Variants in FGD4 observed in about 807,000 individuals in gnomAD.
FGD4 encodes FYVE, RhoGEF and PH domain containing 4, also known as FYVE, RhoGEF and PH domain-containing protein 4.
FGD4 carries 42 observed loss-of-function variants against 102.0 expected under a neutral mutation model. The ratio of observed to expected loss-of-function variants is 0.41; its 90% CI spans 0.32 to 0.53. The LOEUF (loss-of-function observed/expected upper bound fraction) is 0.53. FGD4 is among the 20% of genes least tolerant of loss of function. The probability of loss-of-function intolerance (pLI) is 0.21; values close to 1 mark genes in which losing one functional copy is unlikely to be tolerated. For synonymous variants in FGD4, 380 were observed against 375.7 expected, an observed-to-expected ratio of 1.01 and a Z score of -0.13; for missense variants, 902 against 1,078.2, an observed-to-expected ratio of 0.84 and a Z score of 2.29.
intron 1 of FGD4, among the ~76,000 whole-genome samples, chr12:32,451,673 G>A (rs34387063): frequency 2.6e-5 from 4 of 151,534 alleles, no homozygotes; most frequent in Non-Finnish European, 5.9e-5. Flanking sequence ...TTGGAAGGCC[G>A]AGGCGGGTGG....
intron 1 of FGD4, among the ~76,000 whole-genome samples, chr12:32,405,292 C>T (rs1431094247): frequency 8.4e-6 from 1 of 119,308 alleles, no homozygotes; most frequent in Non-Finnish European, 1.6e-5. Flanking sequence ...GAAGGAGTTT[C>T]ACTCTTGTCC....
chr12:32,540,985 A>C lies in FGD4; in HGVS notation c.167-23152A>C, dbSNP rs555163542. ...TTCGTTATATCATTGAATGAATAAA[A>C]TAGTCAGACTTTTTATTTGTAGGAG... On this transcript the variant is annotated intron_variant, in intron 1 of 16. Coordinates refer to ENST00000534526, the MANE Select transcript of FGD4 (RefSeq NM_001370298.3). Among the ~76,000 whole-genome samples the C allele has an allele frequency of 2.6e-5, 4 of 152,306 alleles. No homozygotes were observed. The South Asian group carries it at 8.3e-4, about 32-fold the overall frequency.
At chr12:32,629,120 A>G (rs1950347096) in intron 14 of FGD4, among the ~76,000 whole-genome samples, 1 of 152,198 alleles carries the variant, frequency 6.6e-6, no homozygotes, top group African/African-American at 2.4e-5. Flanking sequence ...TGAGGCTGGA[A>G]TGGTGTAGGT....
chr12:32,573,648 A>T (rs931816560), intron 2 of FGD4, among the ~76,000 whole-genome samples: 3 of 152,140 alleles, frequency 2.0e-5, no homozygotes, highest in African/African-American at 7.2e-5. Flanking sequence ...CAGATTTGTC[A>T]TATCCATGTA....
intron 5 of FGD4, among the ~76,000 whole-genome samples, chr12:32,599,569 A>G (rs187847277): frequency 0.014 from 597 of 41,700 alleles, 7 homozygotes; most frequent in Middle Eastern, 0.067. Flanking sequence ...TTTTTTGGAG[A>G]TGGAGTCTGG....
chr12:32,451,930 C>T (rs1054930098), intron 1 of FGD4, among the ~76,000 whole-genome samples: 8 of 151,586 alleles, frequency 5.3e-5, no homozygotes, highest in Non-Finnish European at 8.8e-5. Flanking sequence ...CCTACCTGCC[C>T]GAGCTATGTT....
At chr12:32,466,590 G>A (rs757270629) in intron 1 of FGD4, among the ~76,000 whole-genome samples, 1 of 151,912 alleles carries the variant, frequency 6.6e-6, no homozygotes, top group Non-Finnish European at 1.5e-5. Flanking sequence ...AATCATGGCC[G>A]GGCGCGGTGG....
At chr12:32,571,862 T>A (rs755226712) in intron 2 of FGD4, among the ~76,000 whole-genome samples, 1 of 150,580 alleles carries the variant, frequency 6.6e-6, no homozygotes, top group Non-Finnish European at 1.5e-5. Context: ...GGTGGGAGAG[T>A]AGAGATGAGC....
At chr12:32,587,743 T>C (rs756545624) in intron 4 of FGD4, among the ~76,000 whole-genome samples, 6 of 152,214 alleles carry the variant, frequency 3.9e-5, no homozygotes, top group Non-Finnish European at 8.8e-5. Flanking sequence ...TTGAAATCAT[T>C]GAGATGACAG....
At chr12:32,588,776 G>A (rs1405428251) in intron 4 of FGD4, among the ~76,000 whole-genome samples, 1 of 152,218 alleles carries the variant, frequency 6.6e-6, no homozygotes, top group Admixed American at 6.5e-5. Context: ...AGTGCCAAGA[G>A]AACAAAGGAT....
At chr12:32,474,816 A>G (rs1056962335) in intron 1 of FGD4, among the ~76,000 whole-genome samples, 2 of 152,132 alleles carry the variant, frequency 1.3e-5, no homozygotes, top group African/African-American at 4.8e-5. Flanking sequence ...AGGCAAGAGG[A>G]TCGCTTGAGC....
At chr12:32,605,478 T>A (rs1482944589) in intron 7 of FGD4, among the ~76,000 whole-genome samples, 1 of 152,174 alleles carries the variant, frequency 6.6e-6, no homozygotes, top group Non-Finnish European at 1.5e-5. Flanking sequence ...TTTTCATACT[T>A]TTCAGTGATA....
intron 15 of FGD4, among the ~76,000 whole-genome samples, chr12:32,635,096 C>A (rs181370370): frequency 1.7e-3 from 258 of 152,280 alleles, no homozygotes; most frequent in African/African-American, 6.1e-3. Context: ...CACTTCTGTT[C>A]ATTGATAAAG....
At chr12:32,525,119 T>A (rs1941007535) in intron 1 of FGD4, among the ~76,000 whole-genome samples, 1 of 152,196 alleles carries the variant, frequency 6.6e-6, no homozygotes, top group African/African-American at 2.4e-5. Context: ...ACCAGAGGTA[T>A]CTGCCATCCT....
At chr12:32,478,481 G>C (rs1943641336) in intron 1 of FGD4, among the ~76,000 whole-genome samples, 1 of 152,202 alleles carries the variant, frequency 6.6e-6, no homozygotes, top group South Asian at 2.1e-4. Context: ...GGCCAAGCTG[G>C]TCTTGAACTC....
Position 32,640,213 on chromosome 12 carries a change from C to T in FGD4, c.2455-63C>T, listed in dbSNP as rs1951086894. On this transcript the variant is annotated intron_variant, in intron 16 of 16. Transcript: ENST00000534526. ...GGTAGGAAGAGAGGTTTAGTAGGAG[C>T]AAGGGACACACTTAACAAGCGAATA... 3 of 1,612,646 alleles carry T rather than the reference C, an allele frequency of 1.9e-6. No homozygotes were observed. The East Asian group carries it at 6.7e-5, about 36-fold the overall frequency.
In FGD4 at chr12:32,424,493, C is replaced by T. The variant is rs1251753131; in HGVS notation, c.166+24534C>T. On this transcript the variant is annotated intron_variant, in intron 1 of 16. Transcript: ENST00000534526. The stretch of plus-strand genomic sequence containing the variant: ...CATTGATGGACATTTGGGTTGGTTC[C>T]AAGTCTTTGCTATTGTGAATAGTGC... Among the ~76,000 whole-genome samples, 4 of 152,094 alleles carry T rather than the reference C, an allele frequency of 2.6e-5. No individual in the cohort carries two copies. In the East Asian group the frequency reaches 7.7e-4, roughly 29 times the overall value.
At chr12:32,431,254 C>T (rs1942032563) in intron 1 of FGD4, among the ~76,000 whole-genome samples, 1 of 152,138 alleles carries the variant, frequency 6.6e-6, no homozygotes, top group Non-Finnish European at 1.5e-5. Context: ...GATTATAGCC[C>T]CTTTCTGTAA....
At chr12:32,578,755 CAGG>C (rs1423696477) in intron 3 of FGD4, among the ~76,000 whole-genome samples, 2 of 151,742 alleles carry the variant, frequency 1.3e-5, no homozygotes, top group Non-Finnish European at 2.9e-5. Context: ...GCTTGAGCCC[CAGG>C]AGGTCAAGGC....
Sources: allele counts gnomAD v4.1 joint callset (sites outside exome capture counted in the v4.1 genomes callset), GRCh38; gene constraint gnomAD v4.1.1; transcripts MANE v1.5; gene names NCBI Gene and HGNC (gene_info 2026-07-23, HGNC 2026-07-21).